The following AUTS2 variants were observed in gnomAD, a reference collection of about 807,000 sequenced individuals.
AUTS2 encodes the protein autism susceptibility gene 2 protein.
Under a neutral mutation model 112.4 loss-of-function variants are expected in AUTS2, and 17 were observed. That is an observed-to-expected ratio of 0.15 (90% confidence interval 0.10 to 0.23). The LOEUF is 0.23. AUTS2 is among the 10% of genes least tolerant of loss of function. The pLI, the probability that AUTS2 is intolerant of heterozygous loss-of-function variation, is 1.00. For missense variants in AUTS2, 1,510 were observed against 1,701.6 expected (o/e 0.89, Z 1.98); for synonymous variants, 751 against 702.7 (o/e 1.07, Z -1.09).
Position 70,664,489 on chromosome 7 carries a change from A to G in AUTS2, c.691-34080A>G, listed in dbSNP as rs556824410. ...AACATGCCCATTAGCTTTCACATGTAAAGATGGCCTTTTTATATTCAAATT... is the reference window on the plus strand; with the variant it reads ...AACATGCCCATTAGCTTTCACATGTGAAGATGGCCTTTTTATATTCAAATT... On this transcript the variant is annotated intron_variant, in intron 5 of 18. Transcript: ENST00000342771. Among the ~76,000 whole-genome samples, 134 of 152,368 alleles carry G rather than the reference A, an allele frequency of 8.8e-4. 1 individual carries two copies. The highest frequency in any genetic ancestry group is 1.7e-3 in the Non-Finnish European group (115 of 68,042).
intron 4 of AUTS2, among the ~76,000 whole-genome samples, chr7:70,244,849 G>C (rs1812811422): frequency 6.6e-6 from 1 of 152,086 alleles, no homozygotes; most frequent in Non-Finnish European, 1.5e-5. Flanking sequence ...GCCGGGTGCG[G>C]CGGTTCACAC....
chr7:69,950,520 T>G (rs1448917332), intron 2 of AUTS2, among the ~76,000 whole-genome samples: 1 of 152,204 alleles, frequency 6.6e-6, no homozygotes, highest in African/African-American at 2.4e-5. Flanking sequence ...GTGTGTTAAG[T>G]TACTTCTCAA....
intron 5 of AUTS2, among the ~76,000 whole-genome samples, chr7:70,486,597 A>G (rs1798010807): frequency 6.6e-6 from 1 of 151,958 alleles, no homozygotes; most frequent in South Asian, 2.1e-4. Flanking sequence ...CAAAAACAAA[A>G]CAAAACAAAA....
At chr7:69,876,382 ATG>A (rs1562943942) in intron 1 of AUTS2, among the ~76,000 whole-genome samples, 10 of 109,888 alleles carry the variant, frequency 9.1e-5, no homozygotes, top group African/African-American at 1.4e-4. Context: ...ATATATATAT[ATG>A]TATATATAAT....
At chr7:69,924,539 CTTTCTTTTCTTTT>C (rs1795930669) in intron 2 of AUTS2, among the ~76,000 whole-genome samples, 5 of 149,562 alleles carry the variant, frequency 3.3e-5, no homozygotes, top group Admixed American at 3.3e-4. Flanking sequence ...TTCTTTCTTT[CTTTCTTTTCTTTT>C]TTTTTTTTCT....
chr7:70,787,288 G>A lies in AUTS2; in HGVS notation c.2388G>A (p.Leu796=), dbSNP rs1196691024. 2 of 1,614,084 alleles carry A rather than the reference G, an allele frequency of 1.2e-6. No individual in the cohort carries two copies. The highest frequency in any genetic ancestry group is 1.1e-5 in the South Asian group (1 of 91,086). Residue 796 remains leucine, a synonymous_variant, in exon 18 of 19, where the codon CTG becomes CTA. Coordinates refer to ENST00000342771, the MANE Select transcript of AUTS2 (RefSeq NM_015570.4). ...ACCCTCACGAACCCTGGAACCGGCT[G>A]CACCGAACGCCTCCGTCGTTCCCGA... ...FSNPHEPWNR[L]HRTPPSFPTP...
At chr7:69,961,481 A>G (rs771196238) in intron 2 of AUTS2, among the ~76,000 whole-genome samples, 10 of 152,124 alleles carry the variant, frequency 6.6e-5, no homozygotes, top group Non-Finnish European at 1.3e-4. Context: ...TCTCTTTAAC[A>G]TTGATCCTGT....
chr7:69,710,467 TGA>T (rs2129200596), intron 1 of AUTS2, among the ~76,000 whole-genome samples: 1 of 152,342 alleles, frequency 6.6e-6, no homozygotes, highest in East Asian at 1.9e-4. Context: ...TCTGTTAGGA[TGA>T]CTGGTGCGGA....
chr7:70,306,882 C>T (rs1254049660), intron 4 of AUTS2, among the ~76,000 whole-genome samples: 1 of 152,188 alleles, frequency 6.6e-6, no homozygotes, highest in Non-Finnish European at 1.5e-5. Context: ...AAATTTATCT[C>T]CATCAAAACA....
At chr7:70,348,584 C>T (rs1160813888) in intron 4 of AUTS2, among the ~76,000 whole-genome samples, 1 of 151,998 alleles carries the variant, frequency 6.6e-6, no homozygotes, top group Non-Finnish European at 1.5e-5. Flanking sequence ...GCGGGTGGAT[C>T]ACAAGGTCAG....
chr7:70,547,179 G>T (rs544694452), intron 5 of AUTS2, among the ~76,000 whole-genome samples: 1 of 152,246 alleles, frequency 6.6e-6, no homozygotes, highest in Admixed American at 6.5e-5. Flanking sequence ...CCAGGTCAAG[G>T]CAGCCACGAA....
At chr7:70,156,902 A>C (rs1483789193) in intron 4 of AUTS2, among the ~76,000 whole-genome samples, 1 of 122,228 alleles carries the variant, frequency 8.2e-6, no homozygotes, top group African/African-American at 3.2e-5. Flanking sequence ...AAAAAAAAAA[A>C]AAAAAAAAAA....
intron 1 of AUTS2, among the ~76,000 whole-genome samples, chr7:69,628,163 C>G (rs538030387): frequency 6.6e-6 from 1 of 152,208 alleles, no homozygotes; most frequent in Admixed American, 6.5e-5. Context: ...TCCCCTGAAA[C>G]GAGATGGTTT....
At chr7:69,711,649 A>T (rs1319408210) in intron 1 of AUTS2, among the ~76,000 whole-genome samples, 1 of 152,192 alleles carries the variant, frequency 6.6e-6, no homozygotes, top group Admixed American at 6.5e-5. Flanking sequence ...TTCCTAACAA[A>T]TTTTCCATAA....
At chr7:69,864,160 A>C (rs1268769366) in intron 1 of AUTS2, among the ~76,000 whole-genome samples, 2 of 152,222 alleles carry the variant, frequency 1.3e-5, no homozygotes, top group African/African-American at 4.8e-5. Flanking sequence ...CCAATAACAC[A>C]TACTTTGTTC....
At chr7:69,728,214 C>T (rs558301911) in intron 1 of AUTS2, among the ~76,000 whole-genome samples, 1 of 152,330 alleles carries the variant, frequency 6.6e-6, no homozygotes, top group South Asian at 2.1e-4. Flanking sequence ...AGAGTTCCCT[C>T]TCCCTGGGGC....
At chr7:69,729,311 G>A (rs2129227453) in intron 1 of AUTS2, among the ~76,000 whole-genome samples, 1 of 151,332 alleles carries the variant, frequency 6.6e-6, no homozygotes, top group Admixed American at 6.6e-5. Context: ...ATACTCGCAT[G>A]CACACACACA....
intron 2 of AUTS2, among the ~76,000 whole-genome samples, chr7:70,054,527 C>T (rs974947995): frequency 2.6e-5 from 4 of 152,094 alleles, no homozygotes; most frequent in East Asian, 3.9e-4. Flanking sequence ...CGCGGATATG[C>T]AGTGTTTACC....
chr7:69,919,091 C>G (rs1296726553), intron 2 of AUTS2, among the ~76,000 whole-genome samples: 1 of 152,020 alleles, frequency 6.6e-6, no homozygotes, highest in Non-Finnish European at 1.5e-5. Context: ...ATATGTCGAC[C>G]TAGTTCATGG....
Sources: allele counts gnomAD v4.1 joint callset (sites outside exome capture counted in the v4.1 genomes callset), GRCh38; gene constraint gnomAD v4.1.1; transcripts MANE v1.5; gene names NCBI Gene and HGNC (gene_info 2026-07-23, HGNC 2026-07-21).